NRXN1: variants seen among roughly 807,000 people sequenced by gnomAD.
The protein encoded by NRXN1 is neurexin-1.
In NRXN1, 39 loss-of-function variants were observed where a neutral mutation model predicts 150.9. The observed-to-expected ratio is 0.26, with a 90% CI of 0.20 to 0.34. NRXN1 has a LOEUF of 0.34. NRXN1 is among the 10% of genes least tolerant of loss of function. NRXN1 has a pLI of 1.00. For missense variants in NRXN1, 1,815 were observed against 1,949.9 expected (o/e 0.93, Z 1.30); for synonymous variants, 924 against 757.0 (o/e 1.22, Z -3.62).
chr2:50,036,755 G>C (rs888600733), intron 21 of NRXN1, among the ~76,000 whole-genome samples: 11 of 152,148 alleles, frequency 7.2e-5, no homozygotes, highest in African/African-American at 2.7e-4. Flanking sequence ...AGCCTCAAGA[G>C]GCTTTGCAAA....
At chr2:50,333,758 G>A (rs1053044761) in intron 17 of NRXN1, among the ~76,000 whole-genome samples, 2 of 151,832 alleles carry the variant, frequency 1.3e-5, no homozygotes, top group Non-Finnish European at 2.9e-5. Context: ...CCAAGCAGAA[G>A]GCACCTGATA....
intron 18 of NRXN1, among the ~76,000 whole-genome samples, chr2:50,214,609 T>G (rs1385135523): frequency 6.6e-6 from 1 of 152,012 alleles, no homozygotes; most frequent in Non-Finnish European, 1.5e-5. Context: ...TCAAATATAG[T>G]CTGTATTCTA....
At chr2:50,830,984 T>C (rs746364326) in intron 5 of NRXN1, among the ~76,000 whole-genome samples, 35 of 152,166 alleles carry the variant, frequency 2.3e-4, no homozygotes, top group Non-Finnish European at 4.9e-4. Flanking sequence ...TAGGTGTATA[T>C]GTTTATGAGG....
chr2:50,271,145 G>A (rs1035288648), intron 17 of NRXN1, among the ~76,000 whole-genome samples: 1 of 152,110 alleles, frequency 6.6e-6, no homozygotes, highest in African/African-American at 2.4e-5. Flanking sequence ...GGACAATATT[G>A]ATACAAAACA....
chr2:50,430,597 C>T (rs2084887403), intron 17 of NRXN1, among the ~76,000 whole-genome samples: 1 of 152,152 alleles, frequency 6.6e-6, no homozygotes, highest in Non-Finnish European at 1.5e-5. Context: ...AAGCACAGCC[C>T]TGTACCAGGC....
At chr2:50,368,680 C>T (rs1038962499) in intron 17 of NRXN1, among the ~76,000 whole-genome samples, 3 of 151,904 alleles carry the variant, frequency 2.0e-5, no homozygotes, top group African/African-American at 4.8e-5. Context: ...AATAGACATG[C>T]TCAAATCTTT....
At chr2:50,159,219 T>C (rs1558997620) in intron 18 of NRXN1, among the ~76,000 whole-genome samples, 1 of 152,114 alleles carries the variant, frequency 6.6e-6, no homozygotes, top group Non-Finnish European at 1.5e-5. Flanking sequence ...AATTTTACAA[T>C]CATATAACCA....
intron 5 of NRXN1, among the ~76,000 whole-genome samples, chr2:50,666,464 A>G (rs1688033821): frequency 6.6e-6 from 1 of 152,078 alleles, no homozygotes; most frequent in Admixed American, 6.6e-5. Context: ...TATGGTAGGT[A>G]TAGGTTTAAC....
At chr2:50,096,820 C>G (rs1193923623) in intron 18 of NRXN1, among the ~76,000 whole-genome samples, 1 of 152,090 alleles carries the variant, frequency 6.6e-6, no homozygotes, top group Non-Finnish European at 1.5e-5. Flanking sequence ...CTGGGAAGGT[C>G]CCTGAAATTT....
At chr2:50,295,449 G>C (rs1482498814) in intron 17 of NRXN1, among the ~76,000 whole-genome samples, 1 of 152,080 alleles carries the variant, frequency 6.6e-6, no homozygotes, top group African/African-American at 2.4e-5. Flanking sequence ...TATTGAGGAA[G>C]AGTAAATAAT....
intron 8 of NRXN1, among the ~76,000 whole-genome samples, chr2:50,563,744 G>C (rs1310482924): frequency 6.6e-6 from 1 of 152,124 alleles, no homozygotes. Context: ...TTTTATGATG[G>C]TTAATTTTCC....
intron 21 of NRXN1, among the ~76,000 whole-genome samples, chr2:50,025,071 G>C (rs1286211133): frequency 6.6e-6 from 1 of 152,114 alleles, no homozygotes; most frequent in South Asian, 2.1e-4. Context: ...GAAGAGATAC[G>C]CAATAGCTGA....
chr2:50,775,533 C>G (rs900304437), intron 5 of NRXN1, among the ~76,000 whole-genome samples: 4 of 152,030 alleles, frequency 2.6e-5, no homozygotes, highest in Non-Finnish European at 5.9e-5. Context: ...TTTGAGAATC[C>G]CTAAGTTCCT....
intron 5 of NRXN1, among the ~76,000 whole-genome samples, chr2:50,779,108 G>C (rs974297018): frequency 6.6e-6 from 1 of 152,002 alleles, no homozygotes; most frequent in Non-Finnish European, 1.5e-5. Context: ...TTGTGCCACA[G>C]TGGTTTGCTG....
At chr2:50,026,984 C>T (rs548202640) in intron 21 of NRXN1, among the ~76,000 whole-genome samples, 4 of 144,822 alleles carry the variant, frequency 2.8e-5, no homozygotes, top group African/African-American at 1.0e-4. Flanking sequence ...CAGGTTCAAG[C>T]GATTCTTCTG....
intron 5 of NRXN1, among the ~76,000 whole-genome samples, chr2:50,829,181 A>G (rs1195064922): frequency 1.3e-5 from 2 of 152,108 alleles, no homozygotes; most frequent in East Asian, 3.9e-4. Context: ...TGGCAGCAGT[A>G]CAGTCCAGCT....
intron 21 of NRXN1, among the ~76,000 whole-genome samples, chr2:50,033,245 A>G (rs1558735288): frequency 6.6e-6 from 1 of 152,030 alleles, no homozygotes; most frequent in Non-Finnish European, 1.5e-5. Context: ...GGCTACAATA[A>G]CCAAAGCACC....
At chr2:49,942,347 C>G (rs1041406675) in intron 22 of NRXN1, among the ~76,000 whole-genome samples, 3 of 152,146 alleles carry the variant, frequency 2.0e-5, no homozygotes, top group Admixed American at 1.3e-4. Context: ...CTAAGCGCTA[C>G]AGTCAGTGGT....
At chr2:50,140,273 G>C (rs551044121) in intron 18 of NRXN1, among the ~76,000 whole-genome samples, 1 of 152,100 alleles carries the variant, frequency 6.6e-6, no homozygotes, top group South Asian at 2.1e-4. Flanking sequence ...GAGTATTTTT[G>C]AAAAATGTAT....
Sources: allele counts gnomAD v4.1 joint callset (sites outside exome capture counted in the v4.1 genomes callset), GRCh38; gene constraint gnomAD v4.1.1; transcripts MANE v1.5; gene names NCBI Gene and HGNC (gene_info 2026-07-23, HGNC 2026-07-21).